GPD2: variants seen among roughly 807,000 people sequenced by gnomAD.
GPD2 encodes glycerol-3-phosphate dehydrogenase, mitochondrial.
GPD2 carries 54 observed loss-of-function variants against 82.4 expected under a neutral mutation model. That is an observed-to-expected ratio of 0.66 (90% confidence interval 0.53 to 0.82). The LOEUF is 0.82. GPD2 is among the 40% of genes least tolerant of loss of function. The probability of loss-of-function intolerance (pLI) is 0.00; values close to 1 mark genes in which losing one functional copy is unlikely to be tolerated. For synonymous variants in GPD2, 288 were observed against 306.1 expected, an observed-to-expected ratio of 0.94 and a Z score of 0.62; for missense variants, 748 against 896.2, an observed-to-expected ratio of 0.83 and a Z score of 2.11.
intron 6 of GPD2, among the ~76,000 whole-genome samples, chr2:156,531,961 A>G (rs1367032404): frequency 2.6e-5 from 4 of 151,638 alleles, no homozygotes; most frequent in Non-Finnish European, 2.9e-5. Context: ...TTATAGATTT[A>G]TGTTAATAAA....
the GPD2 span, among the ~76,000 whole-genome samples, chr2:156,405,735 T>C: frequency 6.6e-6 from 1 of 152,204 alleles, no homozygotes; most frequent in Non-Finnish European, 1.5e-5. Context: ...ACACTTCCCC[T>C]GGTCTGCTCT....
At chr2:156,528,692 G>A (rs975243454) in intron 6 of GPD2, among the ~76,000 whole-genome samples, 93 of 149,160 alleles carry the variant, frequency 6.2e-4, no homozygotes, top group African/African-American at 2.2e-3. Flanking sequence ...TGTGGTGTTC[G>A]GTTTTTTGTT....
chr2:156,496,205 T>C lies in GPD2; in HGVS notation c.264T>C (p.Ala88=), dbSNP rs1684368630. The change falls in exon 3 of 17, where the codon GCT becomes GCC. Residue 88 remains alanine, a synonymous_variant. Coordinates refer to ENST00000438166, the MANE Select transcript of GPD2 (RefSeq NM_000408.5). ...CAGGAAGTGGCTGTGCGCTAGATGCTGTCACCAGAGGTAAGTCTTTTTTTT... is the reference window on the plus strand; with the variant it reads ...CAGGAAGTGGCTGTGCGCTAGATGCCGTCACCAGAGGTAAGTCTTTTTTTT... ...GATGSGCALD[A]VTRGLKTALV... is the part of the protein sequence containing the mutation. 6.2e-7 allele frequency: 1 copy of C among 1,607,770 alleles called. No individual in the cohort carries two copies. The highest frequency in any genetic ancestry group is 1.3e-5 in the African/African-American group (1 of 74,894).
intron 6 of GPD2, among the ~76,000 whole-genome samples, chr2:156,523,281 A>G (rs1685482233): frequency 6.6e-6 from 1 of 152,018 alleles, no homozygotes; most frequent in Non-Finnish European, 1.5e-5. Flanking sequence ...GCAACCAATG[A>G]TCTTTTCACT....
chr2:156,481,230 A>C (rs1311766841), intron 2 of GPD2, among the ~76,000 whole-genome samples: 1 of 152,146 alleles, frequency 6.6e-6, no homozygotes, highest in South Asian at 2.1e-4. Context: ...ATTTCTGTGC[A>C]TGTATACAAC....
At chr2:156,490,386 G>GAA (rs1180298370) in intron 2 of GPD2, among the ~76,000 whole-genome samples, 1 of 121,266 alleles carries the variant, frequency 8.2e-6, no homozygotes, top group Non-Finnish European at 1.9e-5. Flanking sequence ...CAGCTTTTAT[G>GAA]GAAAAAAAAA....
intron 2 of GPD2, among the ~76,000 whole-genome samples, chr2:156,490,537 T>C (rs1194428225): frequency 6.6e-6 from 1 of 152,196 alleles, no homozygotes; most frequent in East Asian, 1.9e-4. Context: ...CCAAACAAAC[T>C]ACTTTCTAGA....
the GPD2 span, among the ~76,000 whole-genome samples, chr2:156,425,256 A>G: frequency 6.6e-6 from 1 of 152,024 alleles, no homozygotes; most frequent in Non-Finnish European, 1.5e-5. Flanking sequence ...ATACCACCAG[A>G]ACTGGCTAAT....
At chr2:156,462,593 C>T (rs1311660426) in intron 1 of GPD2, among the ~76,000 whole-genome samples, 3 of 152,020 alleles carry the variant, frequency 2.0e-5, no homozygotes, top group Non-Finnish European at 4.4e-5. Flanking sequence ...TGAGCCACCG[C>T]ACCTAGCCTG....
At chr2:156,534,356 G>A (rs1685984312) in intron 6 of GPD2, among the ~76,000 whole-genome samples, 1 of 152,192 alleles carries the variant, frequency 6.6e-6, no homozygotes, top group Non-Finnish European at 1.5e-5. Flanking sequence ...ACACGATGCA[G>A]GGATGCAGCA....
chr2:156,527,898 A>G (rs2105299258), intron 6 of GPD2, among the ~76,000 whole-genome samples: 1 of 152,224 alleles, frequency 6.6e-6, no homozygotes, highest in East Asian at 1.9e-4. Flanking sequence ...TATTTTCCTT[A>G]AGAAGGTTGA....
chr2:156,541,846 T>TTTTTG (rs1686334698), intron 6 of GPD2, among the ~76,000 whole-genome samples: 1 of 148,212 alleles, frequency 6.7e-6, no homozygotes, highest in African/African-American at 2.5e-5. Context: ...TTTTTTTTTT[T>TTTTTG]GGCTGTGGTC....
chr2:156,538,122 G>A (rs1686150897), intron 6 of GPD2, among the ~76,000 whole-genome samples: 1 of 152,180 alleles, frequency 6.6e-6, no homozygotes, highest in African/African-American at 2.4e-5. Flanking sequence ...TCTACTAGCT[G>A]TTAGGAGGTA....
In GPD2 at chr2:156,463,076, G is replaced by C. The variant is rs186045894; in HGVS notation, c.-8-13022G>C. ...GCAGAGAGAGGAAGAATTCATACAG[G>C]AACAGACTGGGACCTGAGACCACTA... On this transcript the variant is annotated intron_variant, in intron 1 of 16. Coordinates refer to ENST00000438166, the MANE Select transcript of GPD2 (RefSeq NM_000408.5). Among the ~76,000 whole-genome samples, 8 of 152,260 alleles carry C rather than the reference G, an allele frequency of 5.3e-5. No homozygotes were observed. In the East Asian group the frequency reaches 1.5e-3, roughly 29 times the overall value.
intron 13 of GPD2, among the ~76,000 whole-genome samples, chr2:156,573,644 C>T (rs1329577032): frequency 6.6e-6 from 1 of 152,134 alleles, no homozygotes; most frequent in Non-Finnish European, 1.5e-5. Flanking sequence ...GATTTAACTT[C>T]AGTTCATATT....
chr2:156,441,668 C>G (rs748313202), intron 1 of GPD2, among the ~76,000 whole-genome samples: 2 of 152,190 alleles, frequency 1.3e-5, no homozygotes, highest in East Asian at 3.8e-4. Context: ...CTAAGTCTAA[C>G]AGAAGTGTGG....
At chr2:156,476,061 C>T in intron 1 of GPD2, 37 bp from the exon 2 acceptor site, 1 of 1,020,222 alleles carries the variant, frequency 9.8e-7, no homozygotes, top group South Asian at 1.3e-5. Context: ...ATAACTATCC[C>T]AATTAACTTC....
intron 1 of GPD2, among the ~76,000 whole-genome samples, chr2:156,455,245 T>G (rs1036533391): frequency 2.0e-5 from 3 of 152,190 alleles, no homozygotes; most frequent in African/African-American, 7.2e-5. Flanking sequence ...TTCTTTTAGT[T>G]TATCTGTCAA....
chr2:156,559,959 T>G (rs1168936794), intron 9 of GPD2, among the ~76,000 whole-genome samples: 2 of 152,236 alleles, frequency 1.3e-5, no homozygotes, highest in Admixed American at 6.5e-5. Flanking sequence ...TTCCTTCATT[T>G]GTAATTTATC....
Sources: gnomAD v4.1 joint callset for allele counts (sites outside exome capture counted in the v4.1 genomes callset) on GRCh38, gnomAD v4.1.1 for gene constraint, MANE v1.5 for transcripts, NCBI Gene and HGNC (gene_info 2026-07-23, HGNC 2026-07-21) for gene names.